WNT9B: variants seen among roughly 807,000 people sequenced by gnomAD.
WNT9B encodes the protein Wnt family member 9B.
In WNT9B, 12 loss-of-function variants were observed where a neutral mutation model predicts 30.2. The observed-to-expected ratio is 0.40, with a 90% CI of 0.26 to 0.64. The LOEUF (loss-of-function observed/expected upper bound fraction) is 0.64. Among genes scored for constraint, WNT9B ranks in the 30% least tolerant of loss-of-function variants. The pLI is 0.42. For missense variants in WNT9B, 442 were observed against 485.2 expected (o/e 0.91, Z 0.84); for synonymous variants, 218 against 216.9 (o/e 1.01, Z -0.05).
chr17:46,874,429 C>T (rs1198982045), intron 2 of WNT9B, among the ~76,000 whole-genome samples: 1 of 152,160 alleles, frequency 6.6e-6, no homozygotes, highest in Non-Finnish European at 1.5e-5. Flanking sequence ...CCCAACTGTG[C>T]CTACGCCAGG....
intron 1 of WNT9B, among the ~76,000 whole-genome samples, chr17:46,858,247 G>A (rs1050946740): frequency 7.2e-5 from 11 of 152,084 alleles, no homozygotes; most frequent in African/African-American, 2.7e-4. Context: ...ATATATTTTG[G>A]ATACAAGTCT....
rs554169291 is a variant in WNT9B at position 46,877,619 on chromosome 17, G to C, written c.*901G>C. Among the ~76,000 whole-genome samples the C allele has an allele frequency of 6.6e-6, 1 of 152,308 alleles. No homozygotes were observed. Among genetic ancestry groups the C allele is most frequent in the African/African-American group, 2.4e-5 (1 of 41,564 alleles). On this transcript the variant is annotated 3_prime_UTR_variant, in exon 4 of 4. Transcript: ENST00000290015. ...CAGAGGAGGAGGGCAACAGCTTCCT[G>C]GTGCCTGGCAGTGACGTGGCGAGCT...
chr17:46,840,399 C>T (rs1299056128), intron 1 of WNT9B, among the ~76,000 whole-genome samples: 1 of 152,216 alleles, frequency 6.6e-6, no homozygotes, highest in Non-Finnish European at 1.5e-5. Flanking sequence ...TTTCTTAATC[C>T]AGTCTATCAT....
chr17:46,837,807 G>A (rs1242125109), intron 1 of WNT9B, among the ~76,000 whole-genome samples: 1 of 152,218 alleles, frequency 6.6e-6, no homozygotes, highest in Non-Finnish European at 1.5e-5. Context: ...ATGCACAATT[G>A]TGCATGTTGT....
intron 3 of WNT9B, among the ~76,000 whole-genome samples, chr17:46,875,751 C>T (rs1173657078): frequency 6.6e-6 from 1 of 152,172 alleles, no homozygotes; most frequent in Non-Finnish European, 1.5e-5. Context: ...GAGCAACTGC[C>T]CACTTCTCCA....
At chr17:46,839,957 TTTCTTTCTTTC>T (rs1292960762) in intron 1 of WNT9B, among the ~76,000 whole-genome samples, 46 of 142,398 alleles carry the variant, frequency 3.2e-4, no homozygotes, top group Middle Eastern at 3.6e-3. Flanking sequence ...TCTTTCTTTC[TTTCTTTCTTTC>T]TTTCTTTCTC....
In WNT9B at chr17:46,877,215, G is replaced by C. The variant is rs931489276; in HGVS notation, c.*497G>C. On this transcript the variant is annotated 3_prime_UTR_variant, in exon 4 of 4. Coordinates refer to ENST00000290015, the MANE Select transcript of WNT9B (RefSeq NM_003396.3). Reference sequence around the variant, plus strand: ...TCCTGTGGCCCTGCTCAGGTGCAGTGGGCTCCAGGTGTCACACACCTCCAC... The same window carrying C: ...TCCTGTGGCCCTGCTCAGGTGCAGTCGGCTCCAGGTGTCACACACCTCCAC... 1 of 377,502 alleles carries C rather than the reference G, an allele frequency of 2.6e-6. No individual in the cohort carries two copies. Among genetic ancestry groups the C allele is most frequent in the Non-Finnish European group, 3.6e-6 (1 of 274,460 alleles). The allele number at this position is 377,502 out of a possible 1,614,324, so 23.4% of individuals were successfully genotyped here.
intron 1 of WNT9B, among the ~76,000 whole-genome samples, chr17:46,843,859 A>G (rs796485946): frequency 3.3e-5 from 5 of 152,318 alleles, no homozygotes; most frequent in African/African-American, 1.2e-4. Flanking sequence ...CTCCTCAAGG[A>G]CAAGAACTGA....
chr17:46,872,629 C>T lies in WNT9B; in HGVS notation c.190C>T (p.Gln64Ter). The T allele has an allele frequency of 6.2e-7, 1 of 1,613,494 alleles. No homozygotes were observed. Among genetic ancestry groups the T allele is most frequent in the South Asian group, 1.1e-5 (1 of 90,980 alleles). Residue 64 changes from glutamine to a stop codon, truncating the protein, a stop_gained, in exon 2 of 4, where the codon CAG becomes TAG. Transcript: ENST00000290015. LOFTEE classifies it high-confidence loss of function. ...TGACCTGCTGAAGCTGTCCCGGCGG[C>T]AGAAGCAGCTCTGCCGGAGGGAGCC... ...QCDLLKLSRRQKQLCRREPGL... is the reference protein window; with the variant it reads ...QCDLLKLSRR
At chr17:46,883,834 C>G (rs2085456028), downstream of WNT9B, among the ~76,000 whole-genome samples, 1 of 152,218 alleles carries the variant, frequency 6.6e-6, no homozygotes, top group South Asian at 2.1e-4. Context: ...ACCCTGCATA[C>G]CGCAAAGAGG....
chr17:46,848,870 C>T (rs1238221995), upstream of WNT9B, among the ~76,000 whole-genome samples: 1 of 152,204 alleles, frequency 6.6e-6, no homozygotes, highest in Non-Finnish European at 1.5e-5. Flanking sequence ...ATTGTCCCAG[C>T]CTCCCAGAGG....
downstream of WNT9B, chr17:46,885,305 C>A: frequency 4.3e-6 from 1 of 230,980 alleles, no homozygotes; most frequent in Non-Finnish European, 8.3e-6. Context: ...TGCGCCTGGC[C>A]AGCATTTTTT....
chr17:46,858,178 C>T (rs1189269481), intron 1 of WNT9B, among the ~76,000 whole-genome samples: 1 of 152,222 alleles, frequency 6.6e-6, no homozygotes, highest in Non-Finnish European at 1.5e-5. Context: ...GATCCACCCA[C>T]CTCGGCCTCC....
intron 1 of WNT9B, among the ~76,000 whole-genome samples, chr17:46,836,095 C>CGTGTGTGTGT (rs59862934): frequency 0.03 from 3,823 of 126,442 alleles, 149 homozygotes; most frequent in East Asian, 0.13. Flanking sequence ...GAGACGCTGA[C>CGTGTGTGTGT]GTGTGTGTGT....
At chr17:46,840,732 T>C (rs1324340890) in intron 1 of WNT9B, among the ~76,000 whole-genome samples, 1 of 152,258 alleles carries the variant, frequency 6.6e-6, no homozygotes, top group African/African-American at 2.4e-5. Context: ...TGGTTTTGAT[T>C]TGCATTTCTC....
At chr17:46,860,347 G>A (rs555601990) in intron 1 of WNT9B, among the ~76,000 whole-genome samples, 1 of 152,288 alleles carries the variant, frequency 6.6e-6, no homozygotes, top group African/African-American at 2.4e-5. Context: ...GGCTCAGGAG[G>A]AGGTGGGCCA....
chr17:46,864,421 G>T (rs1042710091), intron 1 of WNT9B, among the ~76,000 whole-genome samples: 5 of 152,102 alleles, frequency 3.3e-5, no homozygotes, highest in Non-Finnish European at 5.9e-5. Context: ...TCAAGCACTG[G>T]TATTGTATCA....
At chr17:46,875,464 A>C in intron 3 of WNT9B, 98 bp downstream of exon 3, 2 of 1,408,766 alleles carry the variant, frequency 1.4e-6, no homozygotes, top group Non-Finnish European at 1.9e-6. Flanking sequence ...CCCAAAATAC[A>C]TGAAGAGCCG....
intron 1 of WNT9B, among the ~76,000 whole-genome samples, chr17:46,861,919 T>C (rs1187676860): frequency 6.6e-6 from 1 of 152,062 alleles, no homozygotes; most frequent in Non-Finnish European, 1.5e-5. Context: ...ATCCCAGCAC[T>C]TTGGGAGGCT....
Sources: gnomAD v4.1 joint callset for allele counts (sites outside exome capture counted in the v4.1 genomes callset) on GRCh38, gnomAD v4.1.1 for gene constraint, MANE v1.5 for transcripts, NCBI Gene and HGNC (gene_info 2026-07-23, HGNC 2026-07-21) for gene names.